The following CT55 variants were observed in gnomAD, a reference collection of about 807,000 sequenced individuals.
CT55 encodes the protein BRCA2-interacting protein.
CT55 carries 1 observed loss-of-function variant against 12.6 expected under a neutral mutation model. The observed-to-expected ratio is 0.08, with a 90% confidence interval of 0.03 to 0.38. The LOEUF (loss-of-function observed/expected upper bound fraction) is 0.38. Ranked by LOEUF, CT55 falls within the 10% of genes least tolerant of loss-of-function variation. CT55 has a pLI of 0.99. For missense variants in CT55, 109 were observed against 135.4 expected (o/e 0.80, Z 0.97); for synonymous variants, 43 against 49.7 (o/e 0.87, Z 0.57).
At chrX:135,169,465 G>T in intron 2 of CT55, 129 bp downstream of exon 2, 1 of 409,672 alleles carries the variant, frequency 2.4e-6, no homozygotes. Context: ...GAGGAGGGGG[G>T]CTTCAAATTG....
chrX:135,158,261 G>A lies in CT55; in HGVS notation c.475C>T (p.Pro159Ser). Residue 159 changes from proline (P) to serine (S), a missense_variant, in exon 4 of 6, where the codon CCA (proline) becomes TCA (serine). By Grantham distance (74) the Pro-to-Ser change is moderately conservative. Transcript: ENST00000276241. ...DLLEVEYSTE[P>S]GISNIKATSV... is the part of the protein sequence containing the mutation. ...GTTGCCTTGATGTTTGAGATGCCTG[G>A]CTCAGTGGAATATTCAACTTCTAAC... is the stretch of plus-strand genomic sequence containing the variant. 8.3e-7 allele frequency: 1 copy of A among 1,208,734 alleles called. No homozygotes were observed. The highest frequency in any genetic ancestry group is 1.1e-6 in the Non-Finnish European group (1 of 892,871).
intron 1 of CT55, 98 bp from the exon 2 acceptor site, chrX:135,169,876 G>A: frequency 1.9e-6 from 1 of 521,831 alleles, no homozygotes; most frequent in Non-Finnish European, 2.9e-6. Flanking sequence ...CCTGGGCAGA[G>A]AAGTTTTATA....
intron 3 of CT55, among the ~76,000 whole-genome samples, chrX:135,159,925 AACACAC>A (rs57481039): frequency 2.8e-5 from 3 of 105,407 alleles, no homozygotes; most frequent in African/African-American, 6.9e-5. Context: ...ATTCAACAAC[AACACAC>A]ACACACACAC....
At chrX:135,164,461 C>G (rs782724494) in intron 2 of CT55, among the ~76,000 whole-genome samples, 2 of 111,238 alleles carry the variant, frequency 1.8e-5, no homozygotes, top group African/African-American at 3.3e-5. Flanking sequence ...ACAAAACACA[C>G]TAATAGAGAA....
chrX:135,170,568 CCTT>C (rs781992394), intron 1 of CT55, among the ~76,000 whole-genome samples: 13 of 110,583 alleles, frequency 1.2e-4, no homozygotes, highest in African/African-American at 2.0e-4. Flanking sequence ...CTTTATTTCT[CCTT>C]CTTCTTCTTC....
chrX:135,167,294 G>A (rs2083590173), intron 2 of CT55, among the ~76,000 whole-genome samples: 1 of 111,916 alleles, frequency 8.9e-6, no homozygotes, highest in Non-Finnish European at 1.9e-5. Flanking sequence ...TTAAATCTGT[G>A]CATTTACAGT....
At chrX:135,165,970 C>T (rs1339796182) in intron 2 of CT55, among the ~76,000 whole-genome samples, 3 of 100,571 alleles carry the variant, frequency 3.0e-5, no homozygotes, top group Non-Finnish European at 6.0e-5. Context: ...AATGACTTCC[C>T]TTCCTAATAC....
intron 1 of CT55, among the ~76,000 whole-genome samples, chrX:135,170,430 A>G (rs1414800620): frequency 1.8e-5 from 2 of 112,168 alleles, no homozygotes; most frequent in African/African-American, 6.5e-5. Flanking sequence ...CTCCTATTAT[A>G]TTCCTTCATC....
chrX:135,162,185 G>T (rs1387674273), intron 2 of CT55, among the ~76,000 whole-genome samples: 2 of 112,745 alleles, frequency 1.8e-5, no homozygotes, highest in Non-Finnish European at 3.8e-5. Flanking sequence ...ACAAGATGTG[G>T]ATCCTTCTCT....
chrX:135,161,673 C>T (rs182256980), intron 2 of CT55, among the ~76,000 whole-genome samples: 9 of 112,196 alleles, frequency 8.0e-5, no homozygotes, highest in Non-Finnish European at 1.1e-4. Flanking sequence ...GGATAAAATC[C>T]TAGGGTTGGC....
chrX:135,160,265 C>T (rs782169238), intron 3 of CT55, 146 bp downstream of exon 3: 1 of 557,303 alleles, frequency 1.8e-6, no homozygotes, highest in East Asian at 4.1e-5. Flanking sequence ...TGCCCCTATA[C>T]TGTACTTAAT....
intron 2 of CT55, among the ~76,000 whole-genome samples, chrX:135,163,124 A>G (rs782377384): frequency 1.8e-5 from 2 of 112,340 alleles, no homozygotes; most frequent in South Asian, 7.4e-4. Context: ...ACCGAAATGG[A>G]TACCTACTTC....
chrX:135,167,032 T>A (rs2083589027), intron 2 of CT55, among the ~76,000 whole-genome samples: 1 of 111,842 alleles, frequency 8.9e-6, no homozygotes, highest in Non-Finnish European at 1.9e-5. Flanking sequence ...CCTAAAGCAA[T>A]CTATAGATTC....
chrX:135,170,933 G>A, intron 1 of CT55, 145 bp downstream of exon 1: 1 of 1,004,704 alleles, frequency 1.0e-6, no homozygotes, highest in Non-Finnish European at 1.3e-6. Context: ...GGGTTGCCTC[G>A]GGTTGCCTCC....
chrX:135,164,506 G>A (rs1603274162), intron 2 of CT55, among the ~76,000 whole-genome samples: 1 of 111,420 alleles, frequency 9.0e-6, no homozygotes, highest in South Asian at 3.7e-4. Context: ...CAGTAAAAGA[G>A]AAAGAAAGGA....
At chrX:135,163,638 A>G (rs1556405526) in intron 2 of CT55, among the ~76,000 whole-genome samples, 2 of 111,834 alleles carry the variant, frequency 1.8e-5, no homozygotes, top group Admixed American at 9.5e-5. Flanking sequence ...TAAAAAGATC[A>G]TTTAAAAAAT....
chrX:135,171,732 C>A (rs782507983), upstream of CT55, among the ~76,000 whole-genome samples: 172 of 111,782 alleles, frequency 1.5e-3, 1 homozygote, highest in African/African-American at 5.4e-3. Context: ...TCAATAGTTA[C>A]TCCTCACCAG....
At chrX:135,166,000 G>T (rs1169019872) in intron 2 of CT55, among the ~76,000 whole-genome samples, 1 of 38,750 alleles carries the variant, frequency 2.6e-5, no homozygotes, top group African/African-American at 1.2e-4. Context: ...TATATATAAA[G>T]AAGAATAATT....
intron 2 of CT55, among the ~76,000 whole-genome samples, chrX:135,164,132 A>C (rs1404229785): frequency 8.9e-6 from 1 of 112,281 alleles, no homozygotes; most frequent in African/African-American, 3.2e-5. Context: ...GTAACGACAC[A>C]AATTCAGAAT....
Sources: allele counts gnomAD v4.1 joint callset (sites outside exome capture counted in the v4.1 genomes callset), GRCh38; gene constraint gnomAD v4.1.1; transcripts MANE v1.5; gene names NCBI Gene and HGNC (gene_info 2026-07-23, HGNC 2026-07-21).